The following PCDHGA1 variants were observed in gnomAD, a reference collection of about 807,000 sequenced individuals.
PCDHGA1 encodes protocadherin gamma-A1.
A neutral mutation model predicts 58.0 loss-of-function variants in PCDHGA1; 32 were observed. That is an observed-to-expected ratio of 0.55 (90% CI 0.42 to 0.74). The LOEUF (loss-of-function observed/expected upper bound fraction) is 0.74. Ranked by LOEUF, PCDHGA1 falls within the 30% of genes least tolerant of loss-of-function variation. The pLI, the probability that PCDHGA1 is intolerant of heterozygous loss-of-function variation, is 0.00. For missense variants in PCDHGA1, 1,205 were observed against 1,182.3 expected (o/e 1.02, Z -0.28); for synonymous variants, 498 against 501.1 (o/e 0.99, Z 0.08).
At chr5:141,429,329 A>G (rs1561840804) in intron 1 of PCDHGA1, among the ~76,000 whole-genome samples, 1 of 152,122 alleles carries the variant, frequency 6.6e-6, no homozygotes, top group Non-Finnish European at 1.5e-5. Flanking sequence ...TCTTTAATCC[A>G]TTAACTATAA....
In PCDHGA1 at chr5:141,465,057, A is replaced by T. The variant is rs1253395484; in HGVS notation, c.2422-29750A>T. 3.3e-5 allele frequency among the ~76,000 whole-genome samples: 5 copies of T among 151,646 alleles called. No homozygotes were observed. The East Asian group carries it at 9.6e-4, about 29-fold the overall frequency. ...ACAAATGACCCTATATATTTTTTTG[A>T]ATTGTCTGTTCATGTCTTATTTTCA... On this transcript the variant is annotated intron_variant, in intron 1 of 3. Coordinates refer to ENST00000517417, the MANE Select transcript of PCDHGA1 (RefSeq NM_018912.3).
Position 141,334,067 on chromosome 5 carries a change from A to T in PCDHGA1, c.2421+962A>T, listed in dbSNP as rs1470240408. On this transcript the variant is annotated intron_variant, in intron 1 of 3. Transcript: ENST00000517417. The surrounding 1 kb of genome is among the most constrained non-coding windows in gnomAD (Gnocchi z 4.6). ...GGTCGGGGAGTAAGTCCATGCTTTG[A>T]TGTATTTACTCTGCTCCAATAAAAT... 1 of 152,230 alleles carries T rather than the reference A, an allele frequency of 6.6e-6. No individual in the cohort carries two copies. Among genetic ancestry groups the T allele is most frequent in the African/African-American group, 2.4e-5 (1 of 41,456 alleles). 9.4% of individuals were successfully genotyped at this position (152,230 alleles called of 1,614,324 possible). A position where few individuals can be genotyped will look rare whatever the true frequency, so the allele number is the denominator to read the frequency against.
At chr5:141,351,890 C>T (rs1236612073) in intron 1 of PCDHGA1, 7 of 1,613,300 alleles carry the variant, frequency 4.3e-6, no homozygotes, top group Admixed American at 3.3e-5. Context: ...CAACGTGAGC[C>T]TGCGCGTGTT....
chr5:141,423,802 C>A, intron 1 of PCDHGA1: 3 of 1,254,704 alleles, frequency 2.4e-6, no homozygotes, highest in South Asian at 2.9e-5. Context: ...TAGAGCAATA[C>A]ATGTGAGTTT....
Position 141,511,617 on chromosome 5 carries a change from C to T in PCDHGA1, c.*444C>T, listed in dbSNP as rs1562253545. The T allele has an allele frequency of 4.3e-6, 1 of 233,232 alleles. No homozygotes were observed. Among genetic ancestry groups the T allele is most frequent in the African/African-American group, 2.2e-5 (1 of 45,220 alleles). The allele number at this position is 233,232 out of a possible 1,614,324, so 14.4% of individuals were successfully genotyped here. A position where few individuals can be genotyped will look rare whatever the true frequency, so the allele number is the denominator to read the frequency against. Reference sequence around the variant, plus strand: ...CAAGTAACCTACAAGCCTCCTAGTTCTGAAAAGTTGGAAGGGCATCATGAC... The same window carrying T: ...CAAGTAACCTACAAGCCTCCTAGTTTTGAAAAGTTGGAAGGGCATCATGAC... On this transcript the variant is annotated 3_prime_UTR_variant, in exon 4 of 4. Coordinates refer to ENST00000517417, the MANE Select transcript of PCDHGA1 (RefSeq NM_018912.3).
chr5:141,404,928 C>A lies in PCDHGA1; in HGVS notation c.2421+71823C>A, dbSNP rs145718404. The stretch of plus-strand genomic sequence containing the variant: ...CAGCCCCCTCTCTCGGCCACTGTCA[C>A]GCTCACAGTAGCCATAGCTGACAGC... On this transcript the variant is annotated intron_variant, in intron 1 of 3. Coordinates refer to ENST00000517417, the MANE Select transcript of PCDHGA1 (RefSeq NM_018912.3). The A allele has an allele frequency of 1.9e-6, 3 of 1,613,866 alleles. No individual in the cohort carries two copies. In the South Asian group the frequency reaches 3.3e-5, roughly 18 times the overall value.
chr5:141,495,644 A>C (rs767670166), intron 2 of PCDHGA1, among the ~76,000 whole-genome samples: 1 of 151,770 alleles, frequency 6.6e-6, no homozygotes, highest in African/African-American at 2.4e-5. Flanking sequence ...TCATTTGTCT[A>C]CTTGCATTGA....
intron 1 of PCDHGA1, chr5:141,360,656 A>T: frequency 6.2e-7 from 1 of 1,613,586 alleles, no homozygotes; most frequent in Non-Finnish European, 8.5e-7. Flanking sequence ...CACCTTAATG[A>T]CAACGAGTAC....
intron 1 of PCDHGA1, among the ~76,000 whole-genome samples, chr5:141,380,089 G>A (rs1333618493): frequency 6.6e-6 from 1 of 151,698 alleles, no homozygotes; most frequent in Non-Finnish European, 1.5e-5. Flanking sequence ...TAGTAGAGAT[G>A]GGGTTTTACC....
intron 1 of PCDHGA1, chr5:141,409,138 A>T: frequency 6.2e-7 from 1 of 1,614,046 alleles, no homozygotes; most frequent in South Asian, 1.1e-5. Context: ...TTGAAGATGT[A>T]GAAAGGTACA....
Position 141,432,083 on chromosome 5 carries a change from G to T in PCDHGA1, c.2422-62724G>T, listed in dbSNP as rs1221754474. On this transcript the variant is annotated intron_variant, in intron 1 of 3. Transcript: ENST00000517417. The surrounding 1 kb of genome is among the most constrained non-coding windows in gnomAD (Gnocchi z 6.0). ...CACGGAAACTCATATCTCGCTGAAC[G>T]TGGCAGACACCAACGACAACCCGCC... The T allele has an allele frequency of 1.9e-6, 3 of 1,614,040 alleles. No individual in the cohort carries two copies. The highest frequency in any genetic ancestry group is 2.7e-5 in the African/African-American group (2 of 74,910).
intron 1 of PCDHGA1, chr5:141,417,666 G>C (rs1487166683): frequency 3.1e-5 from 28 of 917,486 alleles, no homozygotes; most frequent in Non-Finnish European, 4.2e-5. Context: ...GGGATTCCCT[G>C]CGCAGCCAAC....
intron 1 of PCDHGA1, chr5:141,364,536 G>A (rs759992552): frequency 6.2e-7 from 1 of 1,614,006 alleles, no homozygotes; most frequent in Non-Finnish European, 8.5e-7. Context: ...ATCGTCTCCA[G>A]AGGTAGGACG....
chr5:141,403,601 G>A, intron 1 of PCDHGA1: 1 of 1,613,814 alleles, frequency 6.2e-7, no homozygotes, highest in Non-Finnish European at 8.5e-7. Flanking sequence ...GGCCTCGGAT[G>A]GCGGCGAGCC....
intron 1 of PCDHGA1, among the ~76,000 whole-genome samples, chr5:141,488,839 G>A (rs954244872): frequency 2.6e-5 from 4 of 152,206 alleles, no homozygotes; most frequent in African/African-American, 9.6e-5. Flanking sequence ...CAAGGGGGCT[G>A]AATCAACCTG....
At chr5:141,433,383 CT>C (rs2097595660) in intron 1 of PCDHGA1, among the ~76,000 whole-genome samples, 1 of 151,456 alleles carries the variant, frequency 6.6e-6, no homozygotes, top group Non-Finnish European at 1.5e-5. Context: ...ATCTATCTAT[CT>C]ATCTATCTAT....
At chr5:141,379,593 AC>A (rs1775703652) in intron 1 of PCDHGA1, 1 of 152,152 alleles carries the variant, frequency 6.6e-6, no homozygotes, top group Non-Finnish European at 1.5e-5. Flanking sequence ...TTCTCTTATT[AC>A]CTGTGACCAT....
Position 141,374,676 on chromosome 5 carries a change from G to A in PCDHGA1, c.2421+41571G>A, listed in dbSNP as rs372705367. 2.7e-5 allele frequency: 43 copies of A among 1,610,386 alleles called. No homozygotes were observed. In the African/African-American group the frequency reaches 5.5e-4, roughly 21 times the overall value. On this transcript the variant is annotated intron_variant, in intron 1 of 3. Transcript: ENST00000517417. The stretch of plus-strand genomic sequence containing the variant: ...AAGTACCCGGAGCTGGTGCTGGAGG[G>A]CACACTGGACCGGGAAGGAGAAGCC...
chr5:141,422,976 G>A lies in PCDHGA1; in HGVS notation c.2422-71831G>A, dbSNP rs558006468. On this transcript the variant is annotated intron_variant, in intron 1 of 3. Transcript: ENST00000517417. The stretch of plus-strand genomic sequence containing the variant: ...GCGTGGAGCTGGCGCCCCGCTCTGC[G>A]GAACCTGGCTACCTGGTGACCAAGG... 27 of 1,614,212 alleles carry A rather than the reference G, an allele frequency of 1.7e-5. No homozygotes were observed. In the East Asian group the frequency reaches 4.7e-4, roughly 28 times the overall value.
Sources: allele counts gnomAD v4.1 joint callset (sites outside exome capture counted in the v4.1 genomes callset), GRCh38; gene constraint gnomAD v4.1.1; non-coding constraint Gnocchi (gnomAD v3.1); transcripts MANE v1.5; gene names NCBI Gene and HGNC (gene_info 2026-07-23, HGNC 2026-07-21).